The following ARAP2 variants were observed in gnomAD, a reference collection of about 807,000 sequenced individuals.
The protein encoded by ARAP2 is arf-GAP with Rho-GAP domain, ANK repeat and PH domain-containing protein 2.
ARAP2 carries 148 observed loss-of-function variants against 194.5 expected under a neutral mutation model. The ratio of observed to expected loss-of-function variants is 0.76; its 90% confidence interval spans 0.67 to 0.87. The LOEUF is 0.87. ARAP2 is among the 40% of genes least tolerant of loss of function. The pLI, the probability that ARAP2 is intolerant of heterozygous loss-of-function variation, is 0.00. For missense variants in ARAP2, 2,128 were observed against 1,989.7 expected, an observed-to-expected ratio of 1.07 and a Z score of -1.32; for synonymous variants, 695 against 683.5, an observed-to-expected ratio of 1.02 and a Z score of -0.26.
At chr4:36,159,014 T>C (rs1733277387) in intron 14 of ARAP2, 150 bp from the exon 15 acceptor site, 1 of 843,934 alleles carries the variant, frequency 1.2e-6, no homozygotes, top group Non-Finnish European at 1.7e-6. Context: ...TTACTTTGCA[T>C]AAAATTTGCA....
In ARAP2 at chr4:36,196,481, T is replaced by G. The variant is rs573657461; in HGVS notation, c.1488-2834A>C. ...TCTGAGAGAATCAGCTCCTAAGATA[T>G]TCTCCCAATTATTTTAATTTTTTTC... On this transcript the variant is annotated intron_variant, in intron 6 of 32. Coordinates refer to ENST00000303965, the MANE Select transcript of ARAP2 (RefSeq NM_015230.4). Among the ~76,000 whole-genome samples, 15 of 152,292 alleles carry G rather than the reference T, an allele frequency of 9.8e-5. No individual in the cohort carries two copies. In the South Asian group the frequency reaches 2.1e-3, roughly 21 times the overall value.
At chr4:36,164,838 A>G (rs2109797494) in intron 11 of ARAP2, 76 bp downstream of exon 11, 3 of 1,400,634 alleles carry the variant, frequency 2.1e-6, no homozygotes, top group East Asian at 2.3e-5. Flanking sequence ...GCTAGGATAT[A>G]TAATATGCAA....
intron 2 of ARAP2, among the ~76,000 whole-genome samples, chr4:36,225,032 G>T (rs1433388695): frequency 6.6e-6 from 1 of 152,096 alleles, no homozygotes; most frequent in East Asian, 1.9e-4. Flanking sequence ...AAATATCCAA[G>T]ATTTTTATTT....
chr4:36,042,640 C>T (rs375221534), intron 5 of ARAP2, among the ~76,000 whole-genome samples: 31 of 152,072 alleles, frequency 2.0e-4, no homozygotes, highest in African/African-American at 6.8e-4. Context: ...GGCAAGGTAA[C>T]TTCAAATGAA....
intron 23 of ARAP2, 92 bp downstream of exon 23, chr4:36,121,087 G>A: frequency 1.1e-6 from 1 of 935,924 alleles, no homozygotes; most frequent in East Asian, 3.0e-5. Context: ...TATGAATAAA[G>A]ATCTGAATAA....
rs376141859 is a variant in ARAP2, at chr4:36,226,174, T to C, written c.905+2408A>G. 8.6e-5 allele frequency among the ~76,000 whole-genome samples: 13 copies of C among 151,802 alleles called. No homozygotes were observed. In the East Asian group the frequency reaches 9.7e-4, roughly 11 times the overall value. ...TCACATGAAAAAAAAAACAGTGCTATGATATAGCTAGTACTAAATTATTTA... is the reference window on the plus strand; with the variant it reads ...TCACATGAAAAAAAAAACAGTGCTACGATATAGCTAGTACTAAATTATTTA... On this transcript the variant is annotated intron_variant, in intron 2 of 32. Transcript: ENST00000303965.
chr4:36,125,027 T>C, intron 21 of ARAP2, 60 bp from the exon 22 acceptor site: 1 of 1,120,178 alleles, frequency 8.9e-7, no homozygotes, highest in Non-Finnish European at 1.3e-6. Context: ...TATGGATTTG[T>C]CTATCAGCAG....
chr4:36,147,337 A>T lies in ARAP2; in HGVS notation c.3222T>A (p.Asn1074Lys). The part of the protein sequence containing the change: ...QELTISTMVQ[N>K]GEKLDVLLLV... ...AGAGTAAAACATCCAGTTTTTCCCC[A>T]TTTTGAACCATTGTGCTGATTGCTG... The change falls in exon 19 of 33, where the codon AAT (asparagine) becomes AAA (lysine). Residue 1074 changes from asparagine (N) to lysine (K), a missense_variant. By Grantham distance (94) the Asn-to-Lys change is moderately conservative (BLOSUM62 0). Coordinates refer to ENST00000303965, the MANE Select transcript of ARAP2 (RefSeq NM_015230.4). The T allele has an allele frequency of 6.2e-7, 1 of 1,613,100 alleles. No homozygotes were observed. Among genetic ancestry groups the T allele is most frequent in the Non-Finnish European group, 8.5e-7 (1 of 1,179,308 alleles).
At chr4:36,181,842 C>A (rs1469709098) in intron 8 of ARAP2, among the ~76,000 whole-genome samples, 1 of 152,104 alleles carries the variant, frequency 6.6e-6, no homozygotes, top group Non-Finnish European at 1.5e-5. Flanking sequence ...TACACAGTGG[C>A]AAGTGCAATT....
rs1351306784 is a variant in ARAP2 at position 36,150,411 on chromosome 4, C to T, written c.2897+489G>A. Among the ~76,000 whole-genome samples, 5 of 151,912 alleles carry T rather than the reference C, an allele frequency of 3.3e-5. No individual in the cohort carries two copies. The East Asian group carries it at 7.7e-4, about 23-fold the overall frequency. On this transcript the variant is annotated intron_variant, in intron 16 of 32. Transcript: ENST00000303965. The stretch of plus-strand genomic sequence containing the variant: ...CTGTAATCCCAGCACTTTGGGAGGT[C>T]GGGGTGGGCGGATCACTTGAGGTCA...
In ARAP2 at chr4:36,036,434, T is replaced by C. The variant is rs112877503; in HGVS notation, n.607+9545A>G. ...GTTAGTTTTTGATGTTGTTTTGATG[T>C]TGTTGTGGTAGCTTGCTTGAATTTA... On this transcript the variant is annotated intron_variant and non_coding_transcript_variant, in intron 5 of 12. Transcript: ENST00000503225. Among the ~76,000 whole-genome samples the C allele has an allele frequency of 1.7e-3, 248 of 145,548 alleles. 1 individual carries two copies. The highest frequency in any genetic ancestry group is 3.1e-3 in the Non-Finnish European group (214 of 67,956).
intron 3 of ARAP2, among the ~76,000 whole-genome samples, chr4:36,049,049 G>A (rs965059020): frequency 6.6e-6 from 1 of 151,892 alleles, no homozygotes; most frequent in Non-Finnish European, 1.5e-5. Flanking sequence ...AAAGTGTGAT[G>A]CCCCCAGCTT....
intron 31 of ARAP2, 82 bp from the exon 32 acceptor site, chr4:36,073,905 C>A: frequency 1.4e-6 from 2 of 1,447,276 alleles, no homozygotes; most frequent in Admixed American, 3.8e-5. Context: ...GGTTTCTTTC[C>A]CACATATCCA....
chr4:36,243,222 T>G (rs13145162), intron 1 of ARAP2, among the ~76,000 whole-genome samples: 75,022 of 151,748 alleles, frequency 0.49, 20,745 homozygotes, highest in African/African-American at 0.76. Flanking sequence ...TAAGTGCAGA[T>G]AAATCAATAC....
chr4:36,088,338 G>T (rs1477228343), intron 28 of ARAP2, among the ~76,000 whole-genome samples: 1 of 152,060 alleles, frequency 6.6e-6, no homozygotes, highest in African/African-American at 2.4e-5. Context: ...AGTTCTAGCT[G>T]ACTAGAATAA....
intron 20 of ARAP2, among the ~76,000 whole-genome samples, chr4:36,129,239 A>G (rs1390845565): frequency 6.6e-6 from 1 of 151,940 alleles, no homozygotes; most frequent in African/African-American, 2.4e-5. Context: ...TCCATACCAA[A>G]TAAAAGGAGC....
intron 2 of ARAP2, among the ~76,000 whole-genome samples, chr4:36,226,654 A>T (rs928836350): frequency 6.6e-6 from 1 of 152,204 alleles, no homozygotes; most frequent in Admixed American, 6.5e-5. Context: ...TATTACTTGT[A>T]TGAAATAAAT....
chr4:36,218,300 G>C (rs1267550543), intron 2 of ARAP2, among the ~76,000 whole-genome samples: 1 of 152,134 alleles, frequency 6.6e-6, no homozygotes, highest in Non-Finnish European at 1.5e-5. Context: ...GGGAACAACA[G>C]ACACTGTGGC....
intron 1 of ARAP2, among the ~76,000 whole-genome samples, chr4:36,232,151 C>T (rs768198178): frequency 2.6e-5 from 4 of 152,176 alleles, no homozygotes; most frequent in South Asian, 2.1e-4. Flanking sequence ...AATAAATTTA[C>T]GTGGTTTAAG....
Sources: gnomAD v4.1 joint callset for allele counts (sites outside exome capture counted in the v4.1 genomes callset) on GRCh38, gnomAD v4.1.1 for gene constraint, MANE v1.5 for transcripts, NCBI Gene and HGNC (gene_info 2026-07-23, HGNC 2026-07-21) for gene names.